ARMH3: variants seen among roughly 807,000 people sequenced by gnomAD.
ARMH3 encodes armadillo-like helical domain-containing protein 3.
In ARMH3, 60 loss-of-function variants were observed where a neutral mutation model predicts 99.1. The ratio of observed to expected loss-of-function variants is 0.61; its 90% CI spans 0.49 to 0.75. The LOEUF is 0.75. Ranked by LOEUF, ARMH3 falls within the 30% of genes least tolerant of loss-of-function variation. ARMH3 has a pLI of 0.00. For synonymous variants in ARMH3, 285 were observed against 292.8 expected (o/e 0.97, Z 0.27); for missense variants, 679 against 843.1 (o/e 0.81, Z 2.41).
At chr10:101,924,494 T>C (rs1321976943) in intron 23 of ARMH3, among the ~76,000 whole-genome samples, 2 of 150,882 alleles carry the variant, frequency 1.3e-5, no homozygotes, top group African/African-American at 2.4e-5. Context: ...CCCAAGTAGC[T>C]GGGACTACAG....
chr10:101,850,942 A>T (rs1004377527), intron 24 of ARMH3, among the ~76,000 whole-genome samples: 1 of 152,160 alleles, frequency 6.6e-6, no homozygotes, highest in Non-Finnish European at 1.5e-5. Flanking sequence ...GACTTTGCCA[A>T]TGTCTCCTTC....
At chr10:102,036,158 A>C (rs1264734434) in intron 2 of ARMH3, among the ~76,000 whole-genome samples, 3 of 105,316 alleles carry the variant, frequency 2.8e-5, no homozygotes, top group Admixed American at 9.9e-5. Context: ...TCCGGGAGGG[A>C]GGTGGGGGGT....
chr10:101,998,606 T>A (rs551633953), intron 15 of ARMH3, among the ~76,000 whole-genome samples: 79 of 152,364 alleles, frequency 5.2e-4, no homozygotes, highest in East Asian at 3.9e-3. Flanking sequence ...TCCTTTCTGC[T>A]CTGGCAATTC....
intron 14 of ARMH3, among the ~76,000 whole-genome samples, chr10:102,004,228 G>A (rs573742421): frequency 2.0e-5 from 3 of 152,190 alleles, no homozygotes; most frequent in Admixed American, 2.0e-4. Context: ...TTAAATATAA[G>A]TGGGCTACTG....
chr10:102,025,223 A>G lies in ARMH3; in HGVS notation c.440T>C (p.Leu147Ser). The G allele has an allele frequency of 6.2e-7, 1 of 1,613,968 alleles. No individual in the cohort carries two copies. Among genetic ancestry groups the G allele is most frequent in the Non-Finnish European group, 8.5e-7 (1 of 1,179,946 alleles). Reference protein sequence around the residue: ...MKNLMESLDSLLCAEGSESLK... With the variant: ...MKNLMESLDSSLCAEGSESLK... Reference sequence around the variant, plus strand: ...ACTTTCAGAACCTTCTGCACAAAGCAATGAATCCAAACTCTCCATCAAGTT... The same window carrying G: ...ACTTTCAGAACCTTCTGCACAAAGCGATGAATCCAAACTCTCCATCAAGTT... The change falls in exon 6 of 26, where the codon TTG becomes TCG. Residue 147 changes from leucine (L) to serine (S), a missense_variant. By Grantham distance (145) the Leu-to-Ser change is moderately radical. This residue lies in a region of ARMH3 where 280 missense variants were observed against 354.6 expected (regional missense o/e 0.79). Coordinates refer to ENST00000370033, the MANE Select transcript of ARMH3 (RefSeq NM_024541.3).
chr10:101,871,711 TACA>T (rs976663309), intron 24 of ARMH3, among the ~76,000 whole-genome samples: 4 of 151,858 alleles, frequency 2.6e-5, no homozygotes, highest in Non-Finnish European at 5.9e-5. Context: ...CAGAAGAAAA[TACA>T]ACGAGGCCGG....
At chr10:101,905,856 G>A (rs1299380618) in intron 23 of ARMH3, among the ~76,000 whole-genome samples, 2 of 152,194 alleles carry the variant, frequency 1.3e-5, no homozygotes, top group South Asian at 2.1e-4. Flanking sequence ...CCATCTAATT[G>A]TAGAAAGAAT....
intron 20 of ARMH3, among the ~76,000 whole-genome samples, chr10:101,969,232 G>A (rs930759046): frequency 6.6e-6 from 1 of 152,194 alleles, no homozygotes; most frequent in African/African-American, 2.4e-5. Flanking sequence ...GAAGCTGGGT[G>A]AAGGGTACAT....
intron 23 of ARMH3, chr10:101,912,866 C>T (rs544764362): frequency 6.6e-6 from 1 of 152,224 alleles, no homozygotes; most frequent in East Asian, 1.9e-4. Flanking sequence ...GAATTTTTAT[C>T]AGAAATGGAT....
intron 24 of ARMH3, among the ~76,000 whole-genome samples, chr10:101,881,536 G>A (rs2067418571): frequency 6.6e-6 from 1 of 152,084 alleles, no homozygotes; most frequent in Non-Finnish European, 1.5e-5. Context: ...AAAACGGTAA[G>A]TAGTGACATG....
In ARMH3 at chr10:101,847,341, G is replaced by T; in HGVS notation, c.*187C>A. 1 of 578,206 alleles carries T rather than the reference G, an allele frequency of 1.7e-6. No homozygotes were observed. 35.8% of individuals were successfully genotyped at this position (578,206 alleles called of 1,614,324 possible). On this transcript the variant is annotated 3_prime_UTR_variant, in exon 26 of 26. Transcript: ENST00000370033. The stretch of plus-strand genomic sequence containing the variant: ...TGCCCACCCATTCCTCCCCAAATAA[G>T]ATTATCCCTGGCTTGACCCTCCTGC...
chr10:101,905,386 A>G (rs2068079384), intron 23 of ARMH3, among the ~76,000 whole-genome samples: 1 of 152,252 alleles, frequency 6.6e-6, no homozygotes, highest in African/African-American at 2.4e-5. Context: ...AGTGATGGAC[A>G]GACATGTAAA....
chr10:101,974,665 T>C (rs1220803824), intron 20 of ARMH3, among the ~76,000 whole-genome samples: 1 of 152,216 alleles, frequency 6.6e-6, no homozygotes, highest in African/African-American at 2.4e-5. Flanking sequence ...TGTAATTTGC[T>C]GTTTTGTCTC....
rs2067423166 is a variant in ARMH3 at position 102,041,437 on chromosome 10, G to A, written c.-11-1312C>T. ...ACTTCCAGACAAAACCGACACAGCA[G>A]AACTAATTTTGATCAGTGACTTTTG... On this transcript the variant is annotated intron_variant, in intron 1 of 25. Coordinates refer to ENST00000370033, the MANE Select transcript of ARMH3 (RefSeq NM_024541.3). 2.0e-5 allele frequency among the ~76,000 whole-genome samples: 3 copies of A among 152,088 alleles called. No individual in the cohort carries two copies. The South Asian group carries it at 6.2e-4, about 32-fold the overall frequency.
intron 23 of ARMH3, among the ~76,000 whole-genome samples, chr10:101,925,331 T>C (rs1843467619): frequency 6.6e-6 from 1 of 152,264 alleles, no homozygotes; most frequent in Non-Finnish European, 1.5e-5. Context: ...GAATGCTTAT[T>C]TGGTATAAGG....
rs2066635713 is a variant in ARMH3, at chr10:102,011,814, G to C, written c.771-31C>G. Reference sequence around the variant, plus strand: ...CAAAAAGAACTAAATTCAACTTTAGGATTGTTTATCAATTATGTCTTTGTC... The same window carrying C: ...CAAAAAGAACTAAATTCAACTTTAGCATTGTTTATCAATTATGTCTTTGTC... On this transcript the variant is annotated intron_variant, in intron 10 of 25. Coordinates refer to ENST00000370033, the MANE Select transcript of ARMH3 (RefSeq NM_024541.3). The C allele has an allele frequency of 9.0e-6, 14 of 1,557,426 alleles. No homozygotes were observed. In the East Asian group the frequency reaches 3.2e-4, roughly 35 times the overall value.
chr10:101,919,819 C>G (rs774645620), intron 23 of ARMH3, among the ~76,000 whole-genome samples: 4 of 152,188 alleles, frequency 2.6e-5, no homozygotes, highest in Admixed American at 6.5e-5. Context: ...AAACCTTTTA[C>G]TCTAGTATTT....
intron 2 of ARMH3, among the ~76,000 whole-genome samples, chr10:102,035,380 C>CTCTCCCT (rs559699511): frequency 4.6e-5 from 7 of 151,996 alleles, no homozygotes; most frequent in African/African-American, 1.4e-4. Context: ...AGAAAACAAG[C>CTCTCCCT]TCTCCCTTCT....
intron 24 of ARMH3, among the ~76,000 whole-genome samples, chr10:101,857,767 A>T (rs2135295536): frequency 6.6e-6 from 1 of 152,316 alleles, no homozygotes; most frequent in African/African-American, 2.4e-5. Flanking sequence ...ATTGGGTCTA[A>T]AATGCTCTAT....
Sources: gnomAD v4.1 joint callset for allele counts (sites outside exome capture counted in the v4.1 genomes callset) on GRCh38, gnomAD v4.1.1 for gene constraint, gnomAD v4.1.1 regional missense constraint, MANE v1.5 for transcripts, NCBI Gene and HGNC (gene_info 2026-07-23, HGNC 2026-07-21) for gene names.